GPHN: variants seen among roughly 807,000 people sequenced by gnomAD.
GPHN encodes the protein gephyrin.
A neutral mutation model predicts 95.5 loss-of-function variants in GPHN; 17 were observed. The ratio of observed to expected loss-of-function variants is 0.18; its 90% confidence interval spans 0.12 to 0.27. The LOEUF (loss-of-function observed/expected upper bound fraction) is 0.27, where lower values mean the gene tolerates loss of function less well. GPHN is among the 10% of genes least tolerant of loss of function. The probability of loss-of-function intolerance (pLI) is 1.00; values close to 1 mark genes in which losing one functional copy is unlikely to be tolerated. For missense variants in GPHN, 660 were observed against 978.1 expected (o/e 0.67, Z 4.34); for synonymous variants, 320 against 322.5 (o/e 0.99, Z 0.08).
intron 1 of GPHN, among the ~76,000 whole-genome samples, chr14:66,658,332 G>A (rs535360062): frequency 6.6e-6 from 1 of 152,060 alleles, no homozygotes; most frequent in Admixed American, 6.5e-5. Context: ...GAATATTATT[G>A]GAATGACAAA....
chr14:67,278,464 G>A, the GPHN span, among the ~76,000 whole-genome samples: 1 of 151,808 alleles, frequency 6.6e-6, no homozygotes, highest in African/African-American at 2.4e-5. Flanking sequence ...CGTTGGGCAT[G>A]TTCTCCATCT....
chr14:67,445,574 A>ATTTTTTTTTTTTTTTTT, the GPHN span, among the ~76,000 whole-genome samples: 8 of 98,674 alleles, frequency 8.1e-5, no homozygotes, highest in African/African-American at 2.3e-4. Flanking sequence ...AAGAGAGGCA[A>ATTTTTTTTTTTTTTTTT]TTCTTTTTTT....
the GPHN span, among the ~76,000 whole-genome samples, chr14:67,227,285 C>T: frequency 4.0e-5 from 6 of 151,634 alleles, no homozygotes; most frequent in Non-Finnish European, 8.8e-5. Context: ...ACTATAAATA[C>T]AAAAATTAGC....
chr14:67,579,376 G>A, the GPHN span: 2 of 1,280,878 alleles, frequency 1.6e-6, no homozygotes, highest in Non-Finnish European at 2.1e-6. Context: ...AATACCCCTG[G>A]GCCTTAGGCT....
chr14:66,814,891 A>G (rs1280674871), intron 3 of GPHN, among the ~76,000 whole-genome samples: 3 of 152,234 alleles, frequency 2.0e-5, no homozygotes, highest in Non-Finnish European at 4.4e-5. Flanking sequence ...GTTGAAACTC[A>G]GTGCAAAGAA....
the GPHN span, chr14:67,335,188 T>C: frequency 1.3e-5 from 2 of 152,224 alleles, no homozygotes; most frequent in Non-Finnish European, 2.9e-5. Flanking sequence ...CAATGGTAGA[T>C]AGAAATGTCC....
At chr14:66,597,184 G>A (rs531359645) in intron 1 of GPHN, among the ~76,000 whole-genome samples, 27 of 152,250 alleles carry the variant, frequency 1.8e-4, no homozygotes, top group African/African-American at 5.5e-4. Flanking sequence ...GCCCGAAGGC[G>A]AGAAGAGACA....
chr14:67,140,383 TAA>T (rs59560735), intron 17 of GPHN, among the ~76,000 whole-genome samples: 44,229 of 129,398 alleles, frequency 0.34, 10,400 homozygotes, highest in African/African-American at 0.67. Flanking sequence ...AGACTCCATC[TAA>T]AAAAAAAAAA....
At chr14:67,729,352 C>G in the GPHN span, 3 of 1,598,168 alleles carry the variant, frequency 1.9e-6, no homozygotes, top group Non-Finnish European at 2.5e-6. Context: ...GGCTGAGGGC[C>G]TGGAGCCCCT....
At chr14:66,932,468 T>TG (rs1218143677) in intron 8 of GPHN, among the ~76,000 whole-genome samples, 2 of 137,098 alleles carry the variant, frequency 1.5e-5, no homozygotes, top group Non-Finnish European at 3.1e-5. Flanking sequence ...TTTTTTTTTT[T>TG]TTTTTTTTTT....
At chr14:67,070,325 ATT>A (rs3063158) in intron 11 of GPHN, among the ~76,000 whole-genome samples, 37,519 of 145,922 alleles carry the variant, frequency 0.26, 9,731 homozygotes, top group African/African-American at 0.64. Context: ...CATTTTAAAT[ATT>A]TTTATATATA....
At chr14:67,032,261 T>C (rs2153631263) in intron 10 of GPHN, among the ~76,000 whole-genome samples, 1 of 152,278 alleles carries the variant, frequency 6.6e-6, no homozygotes, top group East Asian at 1.9e-4. Context: ...TCTCACTGCA[T>C]TGATGGAACT....
chr14:67,301,048 A>T, the GPHN span, among the ~76,000 whole-genome samples: 3 of 152,156 alleles, frequency 2.0e-5, no homozygotes, highest in Non-Finnish European at 4.4e-5. Context: ...TAAATGATTT[A>T]AAAACTATAA....
At chr14:67,196,255 C>T in the GPHN span, among the ~76,000 whole-genome samples, 5 of 141,794 alleles carry the variant, frequency 3.5e-5, no homozygotes, top group Admixed American at 1.4e-4. Flanking sequence ...TTGCTCTTGT[C>T]GCCCAGCCTG....
intron 3 of GPHN, chr14:66,823,294 C>T (rs1420880608): frequency 1.3e-5 from 2 of 152,150 alleles, no homozygotes; most frequent in African/African-American, 4.8e-5. Flanking sequence ...GAGCCACTCA[C>T]CCAGCTGGTT....
chr14:67,419,607 A>G, the GPHN span, among the ~76,000 whole-genome samples: 1 of 152,080 alleles, frequency 6.6e-6, no homozygotes, highest in Non-Finnish European at 1.5e-5. Flanking sequence ...TCACGCCTAT[A>G]ATCCCAGCAC....
the GPHN span, among the ~76,000 whole-genome samples, chr14:67,235,400 A>G: frequency 2.0e-5 from 3 of 152,020 alleles, no homozygotes; most frequent in Non-Finnish European, 4.4e-5. Context: ...GCCCTAAATT[A>G]CCTACATCCT....
intron 1 of GPHN, 118 bp from the exon 2 acceptor site, chr14:66,680,989 G>A (rs1156902409): frequency 7.8e-6 from 5 of 642,020 alleles, no homozygotes; most frequent in Non-Finnish European, 1.1e-5. Flanking sequence ...AGTAATGTTT[G>A]GGGAAAAATG....
At chr14:67,052,416 A>G (rs1289510841) in intron 10 of GPHN, among the ~76,000 whole-genome samples, 3 of 152,204 alleles carry the variant, frequency 2.0e-5, no homozygotes, top group Non-Finnish European at 4.4e-5. Flanking sequence ...AGTGCTAACT[A>G]TCCTAAATAT....
Sources: allele counts gnomAD v4.1 joint callset (sites outside exome capture counted in the v4.1 genomes callset), GRCh38; gene constraint gnomAD v4.1.1; transcripts MANE v1.5; gene names NCBI Gene and HGNC (gene_info 2026-07-23, HGNC 2026-07-21).